Variants in COL23A1 observed in about 807,000 individuals in gnomAD.
COL23A1 encodes the protein collagen alpha-1(XXIII) chain.
COL23A1 carries 97 observed loss-of-function variants against 99.3 expected under a neutral mutation model. The ratio of observed to expected loss-of-function variants is 0.98; its 90% confidence interval spans 0.83 to 1.16. The LOEUF (loss-of-function observed/expected upper bound fraction) is 1.16, where lower values mean the gene tolerates loss of function less well. COL23A1 is among the 50% of genes most tolerant of loss of function. The pLI, the probability that COL23A1 is intolerant of heterozygous loss-of-function variation, is 0.00. For synonymous variants in COL23A1, 320 were observed against 308.2 expected, an observed-to-expected ratio of 1.04 and a Z score of -0.40; for missense variants, 762 against 757.4, an observed-to-expected ratio of 1.01 and a Z score of -0.07.
At chr5:178,447,606 A>C (rs1272952293) in intron 2 of COL23A1, among the ~76,000 whole-genome samples, 2 of 152,232 alleles carry the variant, frequency 1.3e-5, no homozygotes, top group Admixed American at 1.3e-4. Flanking sequence ...CACACAGCCT[A>C]GGTGTGTAGT....
chr5:178,495,851 T>A (rs1758172880), intron 2 of COL23A1, among the ~76,000 whole-genome samples: 1 of 152,234 alleles, frequency 6.6e-6, no homozygotes, highest in Admixed American at 6.5e-5. Context: ...ACCTTCCCTA[T>A]ATTGAGTCTT....
chr5:178,261,873 T>G (rs1468590993), intron 10 of COL23A1, 125 bp from the exon 11 acceptor site: 4 of 849,128 alleles, frequency 4.7e-6, no homozygotes, highest in Non-Finnish European at 7.7e-6. Flanking sequence ...TGGGCTGCCG[T>G]CAGAAGCAGG....
chr5:178,486,300 G>A (rs879334010), intron 2 of COL23A1, among the ~76,000 whole-genome samples: 2 of 152,190 alleles, frequency 1.3e-5, no homozygotes, highest in Admixed American at 6.5e-5. Context: ...GCCCCTCACC[G>A]GGATGAGCAG....
At chr5:178,530,355 A>C (rs1160772308) in intron 2 of COL23A1, among the ~76,000 whole-genome samples, 1 of 152,124 alleles carries the variant, frequency 6.6e-6, no homozygotes, top group East Asian at 1.9e-4. Flanking sequence ...CCAGCTACCC[A>C]GGAGGCTGAG....
intron 27 of COL23A1, among the ~76,000 whole-genome samples, chr5:178,241,568 G>T (rs753628603): frequency 3.9e-5 from 6 of 152,192 alleles, no homozygotes; most frequent in Non-Finnish European, 5.9e-5. Context: ...ACAGCGATGG[G>T]GCTGGGCACT....
intron 2 of COL23A1, among the ~76,000 whole-genome samples, chr5:178,337,062 C>T (rs1345798771): frequency 6.6e-6 from 1 of 152,246 alleles, no homozygotes; most frequent in African/African-American, 2.4e-5. Context: ...GTCCCTGCCC[C>T]CTATTGGAAT....
At chr5:178,577,331 C>T (rs1446811668) in intron 1 of COL23A1, among the ~76,000 whole-genome samples, 1 of 152,220 alleles carries the variant, frequency 6.6e-6, no homozygotes, top group Non-Finnish European at 1.5e-5. Context: ...GATCAGGGCC[C>T]CCCCACAACG....
intron 2 of COL23A1, among the ~76,000 whole-genome samples, chr5:178,513,118 C>T (rs1759302872): frequency 6.6e-6 from 1 of 152,000 alleles, no homozygotes; most frequent in African/African-American, 2.4e-5. Flanking sequence ...TGTTCCTGAG[C>T]ACCTGACCAC....
chr5:178,347,081 G>A (rs994644383), intron 2 of COL23A1, among the ~76,000 whole-genome samples: 23 of 151,972 alleles, frequency 1.5e-4, no homozygotes, highest in Non-Finnish European at 2.9e-5. Flanking sequence ...CCCTGCTTGA[G>A]GCCGCCTCCC....
intron 10 of COL23A1, 115 bp from the exon 11 acceptor site, chr5:178,261,863 T>G: frequency 1.1e-6 from 1 of 917,592 alleles, no homozygotes; most frequent in Non-Finnish European, 1.7e-6. Context: ...AGCAGGAGGC[T>G]GGGCTGCCGT....
intron 2 of COL23A1, among the ~76,000 whole-genome samples, chr5:178,432,997 G>A (rs1451876506): frequency 6.6e-6 from 1 of 152,058 alleles, no homozygotes; most frequent in Non-Finnish European, 1.5e-5. Context: ...ATGGTAGCTG[G>A]AGTTCCCTTG....
chr5:178,514,316 C>G (rs1300929915), intron 2 of COL23A1, among the ~76,000 whole-genome samples: 2 of 152,232 alleles, frequency 1.3e-5, no homozygotes, highest in Non-Finnish European at 2.9e-5. Flanking sequence ...CTTCTTCCAT[C>G]AACGGACACT....
At chr5:178,378,956 T>C (rs889788844) in intron 2 of COL23A1, among the ~76,000 whole-genome samples, 4 of 151,962 alleles carry the variant, frequency 2.6e-5, no homozygotes, top group Non-Finnish European at 5.9e-5. Flanking sequence ...TAAACTGGAG[T>C]AGTTTTCAGT....
chr5:178,358,023 T>TGTATGC (rs1338093241), intron 2 of COL23A1, among the ~76,000 whole-genome samples: 4 of 147,196 alleles, frequency 2.7e-5, no homozygotes, highest in South Asian at 4.5e-4. Context: ...TGTATGTGTG[T>TGTATGC]GTATGCGTAT....
intron 2 of COL23A1, among the ~76,000 whole-genome samples, chr5:178,493,432 C>CT (rs1758037863): frequency 6.6e-6 from 1 of 152,234 alleles, no homozygotes; most frequent in African/African-American, 2.4e-5. Flanking sequence ...CAAGTAGGAC[C>CT]TACCCTATGG....
At position 178,405,980 on chromosome 5, in the gene COL23A1, G is replaced by A. The variant is rs564791014; in HGVS notation, c.362-99061C>T. Among the ~76,000 whole-genome samples, 10 of 152,302 alleles carry A rather than the reference G, an allele frequency of 6.6e-5. No homozygotes were observed. In the East Asian group the frequency reaches 1.5e-3, roughly 23 times the overall value. ...TAGCCAGGCATGGTGGCATGCAACT[G>A]TAGTCCCAGCTACTTGGGAGGCTGA... On this transcript the variant is annotated intron_variant, in intron 2 of 28. Coordinates refer to ENST00000390654, the MANE Select transcript of COL23A1 (RefSeq NM_173465.4).
chr5:178,256,843 A>G lies in COL23A1; in HGVS notation c.837+23T>C, dbSNP rs532942392. On this transcript the variant is annotated intron_variant, in intron 14 of 28. Transcript: ENST00000390654. ...GGTCTGAGCGGGGCCCGCAGGCGCC[A>G]GAGCAGAGAGCTCTCATGTCACCTT... 9.3e-6 allele frequency: 15 copies of G among 1,608,992 alleles called. No homozygotes were observed. In the African/African-American group the frequency reaches 1.9e-4, roughly 20 times the overall value.
At chr5:178,363,155 G>C (rs1236789984) in intron 2 of COL23A1, among the ~76,000 whole-genome samples, 1 of 152,012 alleles carries the variant, frequency 6.6e-6, no homozygotes, top group East Asian at 1.9e-4. Context: ...GGTGTGAGCA[G>C]TATTTTTAGG....
At chr5:178,397,237 C>T (rs1230130489) in intron 2 of COL23A1, among the ~76,000 whole-genome samples, 1 of 152,154 alleles carries the variant, frequency 6.6e-6, no homozygotes, top group Non-Finnish European at 1.5e-5. Flanking sequence ...CTCAGCACTT[C>T]GGATACACCG....
Sources: allele counts gnomAD v4.1 joint callset (sites outside exome capture counted in the v4.1 genomes callset), GRCh38; gene constraint gnomAD v4.1.1; transcripts MANE v1.5; gene names NCBI Gene and HGNC (gene_info 2026-07-23, HGNC 2026-07-21).